Variants in ACCSL observed in about 807,000 individuals in gnomAD.
ACCSL encodes the protein probable inactive 1-aminocyclopropane-1-carboxylate synthase-like protein 2.
ACCSL carries 55 observed loss-of-function variants against 61.7 expected under a neutral mutation model. The ratio of observed to expected loss-of-function variants is 0.89; its 90% CI spans 0.72 to 1.12. The LOEUF (loss-of-function observed/expected upper bound fraction) is 1.12, where lower values mean the gene tolerates loss of function less well. Among genes scored for constraint, ACCSL ranks in the 50% most tolerant of loss-of-function variants. ACCSL has a pLI of 0.00. For missense variants in ACCSL, 632 were observed against 698.0 expected (o/e 0.91, Z 1.07); for synonymous variants, 258 against 264.3 (o/e 0.98, Z 0.23).
the ACCSL span, among the ~76,000 whole-genome samples, chr11:44,004,453 C>G: frequency 6.6e-6 from 1 of 152,064 alleles, no homozygotes. Context: ...GCTCCCTACC[C>G]GCACCCAGGG....
intron 11 of ACCSL, 139 bp from the exon 12 acceptor site, chr11:44,058,177 GT>G (rs577333037): frequency 1.7e-5 from 19 of 1,109,506 alleles, no homozygotes; most frequent in African/African-American, 1.3e-4. Flanking sequence ...TGGTTTTTTT[GT>G]TTTTTTTAAA....
chr11:43,952,058 CTTTTT>C, the ACCSL span, among the ~76,000 whole-genome samples: 1 of 146,910 alleles, frequency 6.8e-6, no homozygotes, highest in Non-Finnish European at 1.5e-5. Context: ...ATATAGGTAT[CTTTTT>C]TTTTTTTTCT....
At chr11:44,039,483 T>C in the ACCSL span, among the ~76,000 whole-genome samples, 3 of 151,810 alleles carry the variant, frequency 2.0e-5, no homozygotes, top group East Asian at 3.9e-4. Flanking sequence ...AATGACACAA[T>C]TGATTTTGGG....
the ACCSL span, among the ~76,000 whole-genome samples, chr11:43,946,856 G>A: frequency 8.8e-4 from 134 of 152,264 alleles, no homozygotes; most frequent in African/African-American, 3.0e-3. Flanking sequence ...CAGTATTAGA[G>A]GGATCAGGCT....
the ACCSL span, chr11:43,943,455 C>T: frequency 7.0e-7 from 1 of 1,425,510 alleles, no homozygotes; most frequent in South Asian, 1.2e-5. This position sits in a 1 kb window ranked among gnomAD's most constrained non-coding sequence, Gnocchi z 4.8. Context: ...CCGCGCTCGC[C>T]CTGGCCCGGG....
the ACCSL span, among the ~76,000 whole-genome samples, chr11:43,955,904 T>G: frequency 4.0e-5 from 6 of 151,698 alleles, 1 homozygote; most frequent in South Asian, 1.3e-3. Context: ...AAAATTAGCT[T>G]GGCCTCGGCT....
At chr11:44,042,651 T>C in the ACCSL span, among the ~76,000 whole-genome samples, 1 of 132,574 alleles carries the variant, frequency 7.5e-6, no homozygotes, top group South Asian at 2.3e-4. Context: ...GTTTTGTTTG[T>C]TTTTTTTGTT....
At chr11:44,006,952 T>C in the ACCSL span, among the ~76,000 whole-genome samples, 1 of 152,192 alleles carries the variant, frequency 6.6e-6, no homozygotes, top group Admixed American at 6.5e-5. Context: ...CTCTCCCCAC[T>C]GGCCCTTGAC....
the ACCSL span, among the ~76,000 whole-genome samples, chr11:43,921,654 G>A: frequency 2.6e-5 from 4 of 152,088 alleles, no homozygotes; most frequent in Non-Finnish European, 4.4e-5. Flanking sequence ...GTCTTCCAGC[G>A]TCCCTCTTTC....
chr11:43,980,900 G>A, the ACCSL span, among the ~76,000 whole-genome samples: 1 of 150,304 alleles, frequency 6.7e-6, no homozygotes. Flanking sequence ...AGGCTCAGAA[G>A]CGTACGTCAC....
the ACCSL span, among the ~76,000 whole-genome samples, chr11:43,956,764 G>A: frequency 2.0e-5 from 3 of 152,304 alleles, no homozygotes; most frequent in South Asian, 6.2e-4. Context: ...GAGTGACTGA[G>A]ACAATTGACT....
chr11:43,932,191 A>G, the ACCSL span, among the ~76,000 whole-genome samples: 273 of 152,354 alleles, frequency 1.8e-3, no homozygotes, highest in Non-Finnish European at 3.4e-3. Flanking sequence ...TGAGATCCTC[A>G]TGACTGCCAC....
the ACCSL span, among the ~76,000 whole-genome samples, chr11:43,988,891 C>A: frequency 1.4e-5 from 2 of 148,070 alleles, no homozygotes; most frequent in African/African-American, 5.0e-5. Flanking sequence ...TCTCCTCGGC[C>A]TCTAGAGTAG....
At chr11:44,058,816 T>A in intron 13 of ACCSL, 117 bp downstream of exon 13, 2 of 1,267,164 alleles carry the variant, frequency 1.6e-6, no homozygotes, top group Non-Finnish European at 2.1e-6. Flanking sequence ...CCTGTTTCCA[T>A]GTCTATCTTT....
the ACCSL span, among the ~76,000 whole-genome samples, chr11:44,023,740 GTTAT>G: frequency 6.6e-6 from 1 of 151,014 alleles, no homozygotes; most frequent in African/African-American, 2.4e-5. Context: ...GGAAAGTTAG[GTTAT>G]TTATTTGAGA....
At chr11:44,037,495 A>C in the ACCSL span, among the ~76,000 whole-genome samples, 1 of 152,206 alleles carries the variant, frequency 6.6e-6, no homozygotes, top group African/African-American at 2.4e-5. Flanking sequence ...TGCTTCTCTG[A>C]GTCTGCAGTG....
At chr11:44,021,056 G>A in the ACCSL span, among the ~76,000 whole-genome samples, 12 of 152,074 alleles carry the variant, frequency 7.9e-5, no homozygotes, top group South Asian at 2.1e-4. Flanking sequence ...GGCTGGTTCC[G>A]TATTTTACGA....
the ACCSL span, among the ~76,000 whole-genome samples, chr11:44,029,477 G>A: frequency 2.0e-5 from 3 of 152,234 alleles, no homozygotes; most frequent in Non-Finnish European, 4.4e-5. Flanking sequence ...ACAGTGCCTG[G>A]TGCAGAGTAG....
the ACCSL span, among the ~76,000 whole-genome samples, chr11:43,969,536 C>T: frequency 6.6e-6 from 1 of 152,156 alleles, no homozygotes; most frequent in Non-Finnish European, 1.5e-5. Flanking sequence ...AAACTAACTA[C>T]ATTGCTAGCT....
Sources: gnomAD v4.1 joint callset for allele counts (sites outside exome capture counted in the v4.1 genomes callset) on GRCh38, gnomAD v4.1.1 for gene constraint, Gnocchi (gnomAD v3.1) non-coding constraint, MANE v1.5 for transcripts, NCBI Gene and HGNC (gene_info 2026-07-23, HGNC 2026-07-21) for gene names.